Variants in MAD1L1 observed in about 807,000 individuals in gnomAD.
MAD1L1 encodes mitotic spindle assembly checkpoint protein MAD1.
In MAD1L1, 95 loss-of-function variants were observed where a neutral mutation model predicts 96.9. The ratio of observed to expected loss-of-function variants is 0.98; its 90% CI spans 0.83 to 1.16. MAD1L1 has a LOEUF of 1.16. MAD1L1 is among the 50% of genes most tolerant of loss of function. The pLI, the probability that MAD1L1 is intolerant of heterozygous loss-of-function variation, is 0.00. For synonymous variants in MAD1L1, 473 were observed against 396.6 expected (o/e 1.19, Z -2.29); for missense variants, 1,007 against 954.4 (o/e 1.06, Z -0.73).
At chr7:2,039,127 A>G (rs1165180747) in intron 12 of MAD1L1, among the ~76,000 whole-genome samples, 1 of 152,226 alleles carries the variant, frequency 6.6e-6, no homozygotes, top group Non-Finnish European at 1.5e-5. Context: ...CATGCAGCAC[A>G]CGACCTTCAG....
chr7:1,863,207 C>T (rs550216797), intron 18 of MAD1L1, among the ~76,000 whole-genome samples: 11 of 152,388 alleles, frequency 7.2e-5, no homozygotes, highest in Admixed American at 2.0e-4. Context: ...CTTCGGCCTC[C>T]GAAGACGGGG....
At chr7:2,050,677 C>T (rs1015544775) in intron 12 of MAD1L1, among the ~76,000 whole-genome samples, 1 of 152,180 alleles carries the variant, frequency 6.6e-6, no homozygotes, top group African/African-American at 2.4e-5. Flanking sequence ...CTTGGGTGTG[C>T]CGTGACACCA....
intron 15 of MAD1L1, among the ~76,000 whole-genome samples, chr7:1,960,526 A>G (rs921022193): frequency 1.3e-5 from 2 of 152,262 alleles, no homozygotes; most frequent in African/African-American, 4.8e-5. Flanking sequence ...TACCAGAAAT[A>G]GTAAATTTCA....
At chr7:1,944,433 T>G (rs1399380256) in intron 16 of MAD1L1, among the ~76,000 whole-genome samples, 1 of 152,022 alleles carries the variant, frequency 6.6e-6, no homozygotes, top group Non-Finnish European at 1.5e-5. Context: ...GCAGGAAGCG[T>G]GGATGCAGCT....
rs79110638 is a variant in MAD1L1 at position 1,827,731 on chromosome 7, G to A, written c.1999-11503C>T. Reference sequence around the variant, plus strand: ...GGGGGCCTCCCCTCCTGAGCCCTGCGTGGCTGTGGGGTCCTCCCCTCCTGA... The same window carrying A: ...GGGGGCCTCCCCTCCTGAGCCCTGCATGGCTGTGGGGTCCTCCCCTCCTGA... On this transcript the variant is annotated intron_variant, in intron 18 of 18. Coordinates refer to ENST00000265854, the MANE Select transcript of MAD1L1 (RefSeq NM_001013836.2). Among the ~76,000 whole-genome samples the A allele has an allele frequency of 6.7e-4, 10 of 14,832 alleles. No individual in the cohort carries two copies. The African/African-American group carries it at 7.9e-3, about 12-fold the overall frequency. The allele number at this position is 14,832 out of a possible 152,430, so 9.7% of individuals were successfully genotyped here.
rs536422940 is a variant in MAD1L1, at chr7:1,945,837, C to G, written c.1597-8940G>C. 2.0e-5 allele frequency among the ~76,000 whole-genome samples: 3 copies of G among 152,308 alleles called. No homozygotes were observed. In the South Asian group the frequency reaches 6.2e-4, roughly 32 times the overall value. ...GGACTCAGAGGGTGGCCTGAGAAGT[C>G]TGGAGGCAGTGGGGGAGGGACCACC... is the stretch of plus-strand genomic sequence containing the variant. On this transcript the variant is annotated intron_variant, in intron 16 of 18. Coordinates refer to ENST00000265854, the MANE Select transcript of MAD1L1 (RefSeq NM_001013836.2).
At chr7:2,203,222 G>A (rs1310984611) in intron 10 of MAD1L1, among the ~76,000 whole-genome samples, 1 of 152,246 alleles carries the variant, frequency 6.6e-6, no homozygotes, top group African/African-American at 2.4e-5. Context: ...TGGGGGCTCG[G>A]CTACAGGACT....
chr7:2,002,650 C>T (rs908206880), intron 13 of MAD1L1, among the ~76,000 whole-genome samples: 38 of 152,208 alleles, frequency 2.5e-4, no homozygotes, highest in Non-Finnish European at 5.1e-4. Flanking sequence ...CCTGCCCCGA[C>T]ACACTCCCCA....
Position 1,869,085 on chromosome 7 carries a change from G to A in MAD1L1, c.1998+29115C>T, listed in dbSNP as rs562516224. On this transcript the variant is annotated intron_variant, in intron 18 of 18. Coordinates refer to ENST00000265854, the MANE Select transcript of MAD1L1 (RefSeq NM_001013836.2). ...CAACTGGTCCAGGCCACACGTGGAC[G>A]GTGAGGCCCGGGACGGGAACATCCG... 3.5e-4 allele frequency among the ~76,000 whole-genome samples: 54 copies of A among 152,290 alleles called. 1 individual carries two copies. Among genetic ancestry groups the A allele is most frequent in the African/African-American group, 9.9e-4 (41 of 41,562 alleles).
intron 10 of MAD1L1, among the ~76,000 whole-genome samples, chr7:2,198,816 G>A (rs2114947595): frequency 6.6e-6 from 1 of 152,342 alleles, no homozygotes; most frequent in Middle Eastern, 3.4e-3. Context: ...AGGCCATCAG[G>A]CTGGGCAAGG....
At chr7:2,115,354 T>G (rs889969435) in intron 11 of MAD1L1, among the ~76,000 whole-genome samples, 3 of 143,966 alleles carry the variant, frequency 2.1e-5, no homozygotes, top group East Asian at 4.2e-4. Context: ...GAGGAGGCAC[T>G]GGACAGGGTC....
intron 11 of MAD1L1, among the ~76,000 whole-genome samples, chr7:2,110,031 G>C (rs1370728242): frequency 6.6e-6 from 1 of 152,278 alleles, no homozygotes; most frequent in Admixed American, 6.5e-5. Flanking sequence ...AGGTGGCCAT[G>C]AGGCCCACGC....
chr7:2,070,330 C>G (rs573103224), intron 11 of MAD1L1, among the ~76,000 whole-genome samples: 36 of 152,216 alleles, frequency 2.4e-4, no homozygotes, highest in Non-Finnish European at 5.0e-4. Context: ...CACAGTGAGG[C>G]GCAGAGAGGA....
chr7:2,069,505 C>A (rs1785028151), intron 11 of MAD1L1, among the ~76,000 whole-genome samples, 167 bp from the exon 12 acceptor site: 1 of 152,170 alleles, frequency 6.6e-6, no homozygotes, highest in Non-Finnish European at 1.5e-5. Context: ...TAAGGCCTTT[C>A]AGGAGTTTCT....
chr7:2,009,274 G>A (rs1375886465), intron 13 of MAD1L1, among the ~76,000 whole-genome samples: 3 of 152,212 alleles, frequency 2.0e-5, no homozygotes, highest in Non-Finnish European at 4.4e-5. Flanking sequence ...CCAGGACATG[G>A]CAGAAAATGG....
Position 1,825,140 on chromosome 7 carries a change from A to G in MAD1L1, c.1999-8912T>C, listed in dbSNP as rs1470368439. ...AATGTATATCTAAATTATATCTGCAAGAGCGGAACAGCTTCAAGACAGGCC... is the reference window on the plus strand; with the variant it reads ...AATGTATATCTAAATTATATCTGCAGGAGCGGAACAGCTTCAAGACAGGCC... On this transcript the variant is annotated intron_variant, in intron 18 of 18. Coordinates refer to ENST00000265854, the MANE Select transcript of MAD1L1 (RefSeq NM_001013836.2). Among the ~76,000 whole-genome samples the G allele has an allele frequency of 4.6e-5, 7 of 152,374 alleles. No homozygotes were observed. The South Asian group carries it at 1.4e-3, about 32-fold the overall frequency.
intron 11 of MAD1L1, among the ~76,000 whole-genome samples, chr7:2,081,436 AC>A (rs1441547757): frequency 1.3e-5 from 2 of 152,192 alleles, no homozygotes; most frequent in East Asian, 3.8e-4. Flanking sequence ...CCATCGTGCG[AC>A]CCGGGAAACC....
chr7:2,129,375 G>A (rs930434944), intron 11 of MAD1L1, among the ~76,000 whole-genome samples: 1 of 152,242 alleles, frequency 6.6e-6, no homozygotes, highest in Admixed American at 6.5e-5. Context: ...CCGCGGGACT[G>A]TGAATGTGGA....
At chr7:1,918,257 A>G (rs907922741) in intron 17 of MAD1L1, among the ~76,000 whole-genome samples, 2 of 152,154 alleles carry the variant, frequency 1.3e-5, no homozygotes, top group Non-Finnish European at 2.9e-5. Flanking sequence ...GCCCTGCTGC[A>G]GTGAGGCCCA....
Sources: allele counts gnomAD v4.1 joint callset (sites outside exome capture counted in the v4.1 genomes callset), GRCh38; gene constraint gnomAD v4.1.1; transcripts MANE v1.5; gene names NCBI Gene and HGNC (gene_info 2026-07-23, HGNC 2026-07-21).